The following FAM13A variants were observed in gnomAD, a reference collection of about 807,000 sequenced individuals.
FAM13A encodes protein FAM13A.
A neutral mutation model predicts 129.6 loss-of-function variants in FAM13A; 76 were observed. The ratio of observed to expected loss-of-function variants is 0.59; its 90% CI spans 0.49 to 0.71. FAM13A has a LOEUF of 0.71. Among genes scored for constraint, FAM13A ranks in the 30% least tolerant of loss-of-function variants. The probability of loss-of-function intolerance (pLI) is 0.00; values close to 1 mark genes in which losing one functional copy is unlikely to be tolerated. For missense variants in FAM13A, 1,108 were observed against 1,249.3 expected, an observed-to-expected ratio of 0.89 and a Z score of 1.70; for synonymous variants, 443 against 449.9, an observed-to-expected ratio of 0.98 and a Z score of 0.20.
At chr4:88,890,917 C>T (rs1579141514) in intron 6 of FAM13A, among the ~76,000 whole-genome samples, 1 of 151,998 alleles carries the variant, frequency 6.6e-6, no homozygotes, top group East Asian at 1.9e-4. Flanking sequence ...GAACACTTAT[C>T]AAAACAAATT....
At chr4:88,851,530 T>C (rs1737566932) in intron 6 of FAM13A, among the ~76,000 whole-genome samples, 1 of 151,668 alleles carries the variant, frequency 6.6e-6, no homozygotes, top group South Asian at 2.1e-4. Context: ...ACTGGCAACT[T>C]GGATTGAAGG....
At chr4:89,039,945 A>G (rs2149155627) in intron 1 of FAM13A, among the ~76,000 whole-genome samples, 1 of 151,746 alleles carries the variant, frequency 6.6e-6, no homozygotes, top group Admixed American at 6.6e-5. Context: ...AGAGCAAGAC[A>G]CTGTCTCTTT....
At chr4:88,898,215 G>C (rs1206268584) in intron 6 of FAM13A, among the ~76,000 whole-genome samples, 2 of 152,084 alleles carry the variant, frequency 1.3e-5, no homozygotes, top group Admixed American at 1.3e-4. Context: ...CCTCAAAGTA[G>C]TCGATACATA....
At chr4:88,969,519 A>G (rs918947094) in intron 4 of FAM13A, among the ~76,000 whole-genome samples, 1 of 152,270 alleles carries the variant, frequency 6.6e-6, no homozygotes, top group Non-Finnish European at 1.5e-5. Context: ...TGGAAGAAAC[A>G]TGTGAACAAT....
At chr4:89,007,636 CATT>C (rs1334623379) in intron 3 of FAM13A, among the ~76,000 whole-genome samples, 5 of 152,092 alleles carry the variant, frequency 3.3e-5, no homozygotes, top group Non-Finnish European at 7.4e-5. Flanking sequence ...ATTTTGGAGT[CATT>C]GTTATACAGA....
chr4:88,862,543 T>C (rs1275599731), intron 6 of FAM13A, among the ~76,000 whole-genome samples: 3 of 152,196 alleles, frequency 2.0e-5, no homozygotes, highest in African/African-American at 4.8e-5. Flanking sequence ...ATTATGTCCA[T>C]GATGTGGAGA....
intron 4 of FAM13A, among the ~76,000 whole-genome samples, chr4:88,964,871 G>A (rs573515735): frequency 3.0e-4 from 46 of 152,056 alleles, no homozygotes; most frequent in African/African-American, 1.0e-3. Flanking sequence ...CAAGTGATTC[G>A]TCCGCCTCGG....
chr4:88,758,693 T>TTTGTGC, intron 14 of FAM13A, 61 bp downstream of exon 14: 1 of 1,516,048 alleles, frequency 6.6e-7, no homozygotes, highest in East Asian at 2.3e-5. Context: ...ATGCCTCTCA[T>TTTGTGC]TTGTGCTTAT....
rs1732295887 is a variant in FAM13A, at chr4:88,822,905, T to C, written c.1008-17853A>G. ...CATGTTACTAAAAGATGCCAAGTAC[T>C]GGCAAAGTTATATGGCTTGATACAA... is the stretch of plus-strand genomic sequence containing the variant. On this transcript the variant is annotated intron_variant, in intron 7 of 23. Coordinates refer to ENST00000264344, the MANE Select transcript of FAM13A (RefSeq NM_014883.4). The C allele has an allele frequency of 3.8e-6, 6 of 1,579,554 alleles. No homozygotes were observed. The Admixed American group carries it at 7.3e-5, about 19-fold the overall frequency.
At chr4:88,919,861 C>T (rs573831021) in intron 5 of FAM13A, among the ~76,000 whole-genome samples, 3 of 152,328 alleles carry the variant, frequency 2.0e-5, no homozygotes, top group South Asian at 2.1e-4. Flanking sequence ...TGCGCTTTTC[C>T]GACGGGCTTA....
At chr4:88,913,804 A>T (rs1223452868) in intron 5 of FAM13A, among the ~76,000 whole-genome samples, 7 of 152,138 alleles carry the variant, frequency 4.6e-5, no homozygotes, top group Non-Finnish European at 8.8e-5. Context: ...ATGTTGCCCA[A>T]ATTTGTGTCT....
chr4:88,767,501 G>A, intron 13 of FAM13A, 52 bp downstream of exon 13: 1 of 1,355,702 alleles, frequency 7.4e-7, no homozygotes, highest in Non-Finnish European at 1.0e-6. Context: ...GTACACTCAA[G>A]AGTGTATGAA....
chr4:88,894,806 G>A (rs760439793), intron 6 of FAM13A, among the ~76,000 whole-genome samples: 4 of 152,334 alleles, frequency 2.6e-5, no homozygotes, highest in Non-Finnish European at 4.4e-5. Context: ...ACAGGCATGA[G>A]CCACCACACA....
chr4:88,803,078 C>T (rs772012942), intron 8 of FAM13A, among the ~76,000 whole-genome samples: 8 of 152,266 alleles, frequency 5.3e-5, no homozygotes, highest in Non-Finnish European at 5.9e-5. Context: ...CAGCCCTATC[C>T]GCTCCATGGC....
chr4:88,743,791 A>G (rs1740724792), intron 19 of FAM13A, among the ~76,000 whole-genome samples: 1 of 152,216 alleles, frequency 6.6e-6, no homozygotes, highest in South Asian at 2.1e-4. Context: ...ATTTACAAAA[A>G]TCTGTGCTTA....
chr4:88,826,956 G>A (rs1402834672), intron 7 of FAM13A, among the ~76,000 whole-genome samples: 2 of 152,252 alleles, frequency 1.3e-5, no homozygotes, highest in African/African-American at 2.4e-5. Flanking sequence ...CTTCTCAGCA[G>A]TCCTACCCTC....
chr4:88,944,956 C>A (rs1251228336), intron 4 of FAM13A, among the ~76,000 whole-genome samples: 1 of 151,480 alleles, frequency 6.6e-6, no homozygotes, highest in Non-Finnish European at 1.5e-5. Context: ...TCTACTAAAG[C>A]AAATGTAAAA....
chr4:88,767,649 C>T (rs1745942047), intron 12 of FAM13A, 54 bp from the exon 13 acceptor site: 10 of 1,360,224 alleles, frequency 7.4e-6, no homozygotes, highest in African/African-American at 2.9e-5. Context: ...TGTTTTATAA[C>T]GTTTTTCATC....
intron 6 of FAM13A, among the ~76,000 whole-genome samples, chr4:88,890,481 C>T (rs976527835): frequency 3.9e-5 from 6 of 152,194 alleles, no homozygotes; most frequent in African/African-American, 1.2e-4. Context: ...AGACTCAACA[C>T]CTCAAAAGAG....
Sources: allele counts gnomAD v4.1 joint callset (sites outside exome capture counted in the v4.1 genomes callset), GRCh38; gene constraint gnomAD v4.1.1; transcripts MANE v1.5; gene names NCBI Gene and HGNC (gene_info 2026-07-23, HGNC 2026-07-21).